The following LCT variants were observed in gnomAD, a reference collection of about 807,000 sequenced individuals.
LCT encodes the protein lactase.
A neutral mutation model predicts 173.0 loss-of-function variants in LCT; 90 were observed. The ratio of observed to expected loss-of-function variants is 0.52; its 90% CI spans 0.44 to 0.62. LCT has a LOEUF of 0.62. Among genes scored for constraint, LCT ranks in the 20% least tolerant of loss-of-function variants. The pLI is 0.00. For missense variants in LCT, 1,864 were observed against 2,431.4 expected (o/e 0.77, Z 4.91); for synonymous variants, 853 against 957.6 (o/e 0.89, Z 2.02).
chr2:135,809,391 T>C lies in LCT; in HGVS notation c.2956A>G (p.Thr986Ala), dbSNP rs2077712875. The change falls in exon 8 of 17, where the codon ACT (threonine) becomes GCT (alanine). Residue 986 changes from threonine (T) to alanine (A), a missense_variant. Transcript: ENST00000264162. This position sits in a 1 kb window ranked among gnomAD's most constrained non-coding sequence, Gnocchi z 5.5. ...CTGTTGATAGAGCTGTTTCTCCCAG[T>C]TGGGAAAATCCGAGACCAGGAGATA... ...FSISWSRIFP[T>A]GRNSSINSHG... 6.2e-7 allele frequency: 1 copy of C among 1,614,174 alleles called. No homozygotes were observed. Among genetic ancestry groups the C allele is most frequent in the Non-Finnish European group, 8.5e-7 (1 of 1,180,026 alleles).
chr2:135,834,787 C>A (rs1362770495), intron 1 of LCT, among the ~76,000 whole-genome samples: 8 of 34,178 alleles, frequency 2.3e-4, no homozygotes, highest in East Asian at 1.9e-3. Context: ...GACTCCATCT[C>A]AAAAAAAAAA....
chr2:135,807,121 T>A lies in LCT; in HGVS notation c.4173+7A>T. 6.2e-7 allele frequency: 1 copy of A among 1,602,848 alleles called. No homozygotes were observed. The highest frequency in any genetic ancestry group is 8.5e-7 in the Non-Finnish European group (1 of 1,174,902). ...TCACTGGTGTCCCACCATCCTGAAC[T>A]CCTCACCTGATATGCAGCAGAAGCT... is the stretch of plus-strand genomic sequence containing the variant. On this transcript the variant is annotated splice_region_variant and intron_variant, in intron 9 of 16. Transcript: ENST00000264162.
At position 135,817,964 on chromosome 2, in the gene LCT, T is replaced by C. The variant is rs4954449; in HGVS notation, c.1084A>G (p.Ile362Val). 1,608,135 of 1,613,906 alleles carry C rather than the reference T, an allele frequency of 1. 801,350 individuals carry two copies. Among genetic ancestry groups the C allele is most frequent in the East Asian group, 1 (44,872 of 44,874 alleles). The change falls in exon 6 of 17, where the codon ATC (isoleucine) becomes GTC (valine). Residue 362 changes from isoleucine to valine, a missense_variant. Physicochemically the swap from Ile to Val is conservative, Grantham distance 29 (BLOSUM62 3). This residue lies in a region of LCT where 412 missense variants were observed against 462.0 expected (regional missense o/e 0.89). Transcript: ENST00000264162. Reference sequence around the variant, plus strand: ...GACTGATTGGCAAATGCTTCCCAGATTCTCTGATAGGCAGAGGCAGGAGAG... The same window carrying C: ...GACTGATTGGCAAATGCTTCCCAGACTCTCTGATAGGCAGAGGCAGGAGAG... The part of the protein sequence containing the change: ...DSSPASAYQR[I>V]WEAFANQSRA...
Position 135,812,601 on chromosome 2 carries a change from GA to G in LCT, c.2062del (p.Ser688ProfsTer26). ...TTGTGGGGCGTTGCTGATGAGGCGGGAGGTGTAATGCGACAGACCCAGAAAA... is the reference window on the plus strand; with the variant it reads ...TTGTGGGGCGTTGCTGATGAGGCGGGGGTGTAATGCGACAGACCCAGAAAA... ...ADFLGLSHYT[S>X]RLISNAPQNT... is the part of the protein sequence containing the mutation. On this transcript the variant is annotated frameshift_variant, in exon 7 of 17. Coordinates refer to ENST00000264162, the MANE Select transcript of LCT (RefSeq NM_002299.4). LOFTEE classifies it high-confidence loss of function. 2 of 1,612,022 alleles carry G rather than the reference GA, an allele frequency of 1.2e-6. No homozygotes were observed. The highest frequency in any genetic ancestry group is 1.7e-6 in the Non-Finnish European group (2 of 1,178,192).
intron 6 of LCT, 34 bp downstream of exon 6, chr2:135,817,307 T>A (rs774957868): frequency 6.2e-7 from 1 of 1,606,116 alleles, no homozygotes; most frequent in African/African-American, 1.3e-5. Context: ...TCCTTTCTCC[T>A]CCAATTAGTA....
At chr2:135,831,566 A>G (rs185848754) in intron 2 of LCT, among the ~76,000 whole-genome samples, 9 of 152,192 alleles carry the variant, frequency 5.9e-5, no homozygotes, top group South Asian at 2.1e-4. Context: ...CTCGACAAGC[A>G]TTTTTCTGAT....
At chr2:135,793,960 C>T (rs1424962029) in intron 14 of LCT, among the ~76,000 whole-genome samples, 3 of 125,520 alleles carry the variant, frequency 2.4e-5, no homozygotes, top group Non-Finnish European at 5.1e-5. Flanking sequence ...AACCCCGTCT[C>T]TGCTAAAATA....
intron 4 of LCT, 80 bp downstream of exon 4, chr2:135,823,821 C>T (rs903827606): frequency 5.2e-6 from 5 of 953,550 alleles, no homozygotes; most frequent in African/African-American, 3.2e-5. Context: ...CCCATTGGAA[C>T]CCCGGACTTT....
At chr2:135,821,691 T>G (rs994774232) in intron 5 of LCT, 19 of 335,434 alleles carry the variant, frequency 5.7e-5, no homozygotes, top group Non-Finnish European at 1.0e-4. Context: ...AGTTTCACCA[T>G]GTTGCCCAGC....
intron 2 of LCT, among the ~76,000 whole-genome samples, chr2:135,830,872 A>T (rs922282769): frequency 3.3e-5 from 5 of 152,232 alleles, no homozygotes; most frequent in Non-Finnish European, 7.3e-5. Context: ...AGGGATTCAC[A>T]TTTAGAGATA....
At chr2:135,834,326 C>T (rs544607471) in intron 1 of LCT, among the ~76,000 whole-genome samples, 11 of 152,012 alleles carry the variant, frequency 7.2e-5, no homozygotes, top group African/African-American at 2.7e-4. Flanking sequence ...GCTGGGACTA[C>T]AGACACGTGC....
chr2:135,829,501 A>C, intron 3 of LCT, 92 bp downstream of exon 3: 1 of 952,616 alleles, frequency 1.0e-6, no homozygotes, highest in East Asian at 2.4e-5. Context: ...ATGGAAGTTC[A>C]GTTTATGCAG....
At chr2:135,833,506 G>A (rs568376387) in intron 1 of LCT, among the ~76,000 whole-genome samples, 1 of 139,702 alleles carries the variant, frequency 7.2e-6, no homozygotes, top group South Asian at 2.2e-4. Flanking sequence ...GAGTGCAGTC[G>A]TGCCATCTCG....
chr2:135,821,130 C>T (rs2077825611), intron 5 of LCT, among the ~76,000 whole-genome samples: 1 of 152,190 alleles, frequency 6.6e-6, no homozygotes, highest in Non-Finnish European at 1.5e-5. Flanking sequence ...ATCCACCCGC[C>T]TCAGCCTCCC....
At position 135,812,475 on chromosome 2, in the gene LCT, C is replaced by T; in HGVS notation, c.2189G>A (p.Trp730Ter). The change falls in exon 7 of 17, where the codon TGG (tryptophan) becomes TAG (stop). Residue 730 changes from tryptophan to a stop codon, truncating the protein, a stop_gained. Coordinates refer to ENST00000264162, the MANE Select transcript of LCT (RefSeq NM_002299.4). LOFTEE classifies it high-confidence loss of function. The part of the protein sequence containing the change: ...TSSSWIRVVP[W>*]GIRRLLQFVS... ...AAACTGCAACAGCCTCCTTATCCCCCAGGGCACCACACGAATCCAAGAGGA... is the reference window on the plus strand; with the variant it reads ...AAACTGCAACAGCCTCCTTATCCCCTAGGGCACCACACGAATCCAAGAGGA... The T allele has an allele frequency of 2.5e-6, 4 of 1,614,216 alleles. No homozygotes were observed. Among genetic ancestry groups the T allele is most frequent in the Non-Finnish European group, 3.4e-6 (4 of 1,180,046 alleles).
At position 135,837,155 on chromosome 2, in the gene LCT, C is replaced by T; in HGVS notation, c.15G>A (p.Trp5Ter). The T allele has an allele frequency of 6.2e-7, 1 of 1,613,210 alleles. No individual in the cohort carries two copies. The highest frequency in any genetic ancestry group is 8.5e-7 in the Non-Finnish European group (1 of 1,179,978). MELS[W>*]HVVFIALLSF... is the part of the protein sequence containing the mutation. ...TTAGCAGGGCAATAAAGACTACATG[C>T]CAAGACAGCTCCATTTTCTAGGAAC... is the stretch of plus-strand genomic sequence containing the variant. The change falls in exon 1 of 17, where the codon TGG (tryptophan) becomes TGA (stop). Residue 5 changes from tryptophan (W) to a stop codon, truncating the protein, a stop_gained. Coordinates refer to ENST00000264162, the MANE Select transcript of LCT (RefSeq NM_002299.4). LOFTEE classifies it high-confidence loss of function.
chr2:135,834,284 C>T (rs1308774130), intron 1 of LCT, among the ~76,000 whole-genome samples: 1 of 151,896 alleles, frequency 6.6e-6, no homozygotes, highest in Non-Finnish European at 1.5e-5. Context: ...CTCCCAGGTT[C>T]AAGCGATTCT....
At chr2:135,820,650 A>G (rs575601699) in intron 5 of LCT, 128 of 152,350 alleles carry the variant, frequency 8.4e-4, no homozygotes, top group African/African-American at 2.8e-3. Flanking sequence ...GTGAGTGACA[A>G]AGAGAACTCT....
At chr2:135,827,773 C>T (rs2077899704) in intron 3 of LCT, among the ~76,000 whole-genome samples, 1 of 152,200 alleles carries the variant, frequency 6.6e-6, no homozygotes, top group African/African-American at 2.4e-5. Context: ...TCACCTCCTG[C>T]TGTGCAGCCA....
Sources: gnomAD v4.1 joint callset for allele counts (sites outside exome capture counted in the v4.1 genomes callset) on GRCh38, gnomAD v4.1.1 for gene constraint, gnomAD v4.1.1 regional missense constraint, Gnocchi (gnomAD v3.1) non-coding constraint, MANE v1.5 for transcripts, NCBI Gene and HGNC (gene_info 2026-07-23, HGNC 2026-07-21) for gene names.